Variants in GFOD1 observed in about 807,000 individuals in gnomAD.
GFOD1 encodes glucose-fructose oxidoreductase domain-containing protein 1.
In GFOD1, 9 loss-of-function variants were observed where a neutral mutation model predicts 25.4. That is an observed-to-expected ratio of 0.35 (90% confidence interval 0.21 to 0.62). GFOD1 has a LOEUF of 0.62. GFOD1 is among the 20% of genes least tolerant of loss of function. The probability of loss-of-function intolerance (pLI) is 0.72; values close to 1 mark genes in which losing one functional copy is unlikely to be tolerated. For missense variants in GFOD1, 403 were observed against 556.9 expected, an observed-to-expected ratio of 0.72 and a Z score of 2.78; for synonymous variants, 253 against 245.6, an observed-to-expected ratio of 1.03 and a Z score of -0.28.
chr6:13,475,405 C>A (rs954758281), intron 1 of GFOD1, among the ~76,000 whole-genome samples: 1 of 151,952 alleles, frequency 6.6e-6, no homozygotes, highest in African/African-American at 2.4e-5. Flanking sequence ...GAAAACCCAT[C>A]TCTACTAAAA....
chr6:13,392,892 CAA>C (rs551198222), intron 1 of GFOD1, among the ~76,000 whole-genome samples: 1 of 137,718 alleles, frequency 7.3e-6, no homozygotes, highest in African/African-American at 2.7e-5. Context: ...GCTGTCCCTA[CAA>C]AAAAAAAAAA....
chr6:13,480,771 G>A (rs1758732908), intron 1 of GFOD1, among the ~76,000 whole-genome samples: 1 of 152,188 alleles, frequency 6.6e-6, no homozygotes, highest in African/African-American at 2.4e-5. Context: ...ATAGGTGTAA[G>A]CCACTGTGCC....
chr6:13,404,731 C>G (rs1371551510), intron 1 of GFOD1, among the ~76,000 whole-genome samples: 1 of 152,204 alleles, frequency 6.6e-6, no homozygotes, highest in Non-Finnish European at 1.5e-5. Flanking sequence ...AATGTCATTT[C>G]AAGATGTAAA....
chr6:13,447,116 G>T (rs939731351), intron 1 of GFOD1, among the ~76,000 whole-genome samples: 1 of 152,150 alleles, frequency 6.6e-6, no homozygotes, highest in African/African-American at 2.4e-5. Context: ...CTGTAAGAAA[G>T]GACCACAAAG....
chr6:13,378,558 G>A (rs926906480), intron 1 of GFOD1, among the ~76,000 whole-genome samples: 2 of 152,296 alleles, frequency 1.3e-5, no homozygotes, highest in African/African-American at 2.4e-5. Flanking sequence ...GATTATTATC[G>A]AGAAAGAGAG....
At chr6:13,366,893 C>CCTATGTTTTAGA (rs1785059084) in intron 1 of GFOD1, among the ~76,000 whole-genome samples, 1 of 151,732 alleles carries the variant, frequency 6.6e-6, no homozygotes, top group African/African-American at 2.4e-5. Flanking sequence ...AAATGTTTAA[C>CCTATGTTTTAGA]AATATTTGCT....
rs778210822 is a variant in GFOD1, at chr6:13,360,753, G to A, written c.*3990C>T. The A allele has an allele frequency of 2.2e-6, 1 of 456,652 alleles. No individual in the cohort carries two copies. Among genetic ancestry groups the A allele is most frequent in the African/African-American group, 2.0e-5 (1 of 50,088 alleles). The allele number at this position is 456,652 out of a possible 1,614,324, so 28.3% of individuals were successfully genotyped here. On this transcript the variant is annotated 3_prime_UTR_variant, in exon 2 of 2. Coordinates refer to ENST00000379287, the MANE Select transcript of GFOD1 (RefSeq NM_018988.4). Reference sequence around the variant, plus strand: ...CTGAACAGGAGGGTGCTGACAGCAGGCTGAGTGGAGCCGCAGGTTAGTCCA... The same window carrying A: ...CTGAACAGGAGGGTGCTGACAGCAGACTGAGTGGAGCCGCAGGTTAGTCCA...
chr6:13,467,443 A>G (rs1459263342), intron 1 of GFOD1, among the ~76,000 whole-genome samples: 1 of 152,146 alleles, frequency 6.6e-6, no homozygotes. Flanking sequence ...GCACACCACC[A>G]CACACACAGC....
intron 1 of GFOD1, among the ~76,000 whole-genome samples, chr6:13,429,761 AG>A (rs911939040): frequency 9.2e-5 from 14 of 152,230 alleles, no homozygotes; most frequent in African/African-American, 2.9e-4. Context: ...CTAGGTAATA[AG>A]GGAAGTATTA....
chr6:13,420,399 A>G (rs559147724), intron 1 of GFOD1, among the ~76,000 whole-genome samples: 2 of 152,298 alleles, frequency 1.3e-5, no homozygotes, highest in Admixed American at 1.3e-4. Flanking sequence ...GCGTAGTCCA[A>G]TTCTTGGGCA....
intron 1 of GFOD1, among the ~76,000 whole-genome samples, chr6:13,448,414 T>C (rs1265564798): frequency 1.3e-5 from 2 of 152,106 alleles, no homozygotes; most frequent in African/African-American, 2.4e-5. Context: ...TCCACCCCTA[T>C]AAGGCACAGA....
chr6:13,469,942 T>C, intron 1 of GFOD1: 1 of 1,305,294 alleles, frequency 7.7e-7, no homozygotes, highest in Admixed American at 2.3e-5. Flanking sequence ...TTTCCAAAAG[T>C]GATGAGTAGG....
At chr6:13,366,131 T>C (rs1446496270) in intron 1 of GFOD1, among the ~76,000 whole-genome samples, 2 of 152,070 alleles carry the variant, frequency 1.3e-5, no homozygotes, top group Admixed American at 6.5e-5. Flanking sequence ...AGATATTCTA[T>C]ATATTTCAAT....
chr6:13,433,974 C>T (rs996255257), intron 1 of GFOD1, among the ~76,000 whole-genome samples: 1 of 152,232 alleles, frequency 6.6e-6, no homozygotes. Flanking sequence ...GCACCAGGCC[C>T]CTGAATACTA....
chr6:13,431,251 C>G (rs1334377112), intron 1 of GFOD1, among the ~76,000 whole-genome samples: 2 of 152,190 alleles, frequency 1.3e-5, no homozygotes, highest in African/African-American at 4.8e-5. Context: ...CCAATCTTTA[C>G]CACTCTAGGC....
intron 1 of GFOD1, among the ~76,000 whole-genome samples, chr6:13,389,865 A>G (rs530684666): frequency 5.3e-5 from 8 of 152,104 alleles, no homozygotes; most frequent in Non-Finnish European, 1.0e-4. Flanking sequence ...AATCTTTGCC[A>G]TTGCCCATGA....
At chr6:13,462,620 G>A (rs1158753945) in intron 1 of GFOD1, among the ~76,000 whole-genome samples, 4 of 152,182 alleles carry the variant, frequency 2.6e-5, no homozygotes, top group Non-Finnish European at 5.9e-5. Context: ...CTTGCTGACA[G>A]TGAGGAGGAA....
At chr6:13,372,393 C>T (rs1188195937) in intron 1 of GFOD1, among the ~76,000 whole-genome samples, 1 of 152,210 alleles carries the variant, frequency 6.6e-6, no homozygotes, top group African/African-American at 2.4e-5. Flanking sequence ...TCATGGCCCT[C>T]CTGAGAAATC....
chr6:13,399,276 G>T (rs1785797115), intron 1 of GFOD1, among the ~76,000 whole-genome samples: 1 of 152,124 alleles, frequency 6.6e-6, no homozygotes, highest in Admixed American at 6.5e-5. Context: ...GCCTCCCAAA[G>T]TTCTGGAATT....
Sources: allele counts gnomAD v4.1 joint callset (sites outside exome capture counted in the v4.1 genomes callset), GRCh38; gene constraint gnomAD v4.1.1; transcripts MANE v1.5; gene names NCBI Gene and HGNC (gene_info 2026-07-23, HGNC 2026-07-21).